ADAMTS16: variants seen among roughly 807,000 people sequenced by gnomAD.
ADAMTS16 encodes ADAM metallopeptidase with thrombospondin type 1 motif 16.
ADAMTS16 carries 94 observed loss-of-function variants against 145.8 expected under a neutral mutation model. The ratio of observed to expected loss-of-function variants is 0.64; its 90% CI spans 0.55 to 0.77. ADAMTS16 has a LOEUF of 0.77. Ranked by LOEUF, ADAMTS16 falls within the 30% of genes least tolerant of loss-of-function variation. The probability of loss-of-function intolerance (pLI) is 0.00; values close to 1 mark genes in which losing one functional copy is unlikely to be tolerated. For synonymous variants in ADAMTS16, 659 were observed against 604.3 expected, an observed-to-expected ratio of 1.09 and a Z score of -1.33; for missense variants, 1,585 against 1,591.5, an observed-to-expected ratio of 1.00 and a Z score of 0.07.
intron 21 of ADAMTS16, among the ~76,000 whole-genome samples, chr5:5,311,910 G>C (rs577818941): frequency 6.6e-5 from 10 of 152,118 alleles, no homozygotes; most frequent in African/African-American, 2.4e-4. Context: ...GTACAGTTGG[G>C]GTTTCACCAT....
intron 3 of ADAMTS16, among the ~76,000 whole-genome samples, chr5:5,153,755 C>A (rs953684191): frequency 3.9e-5 from 6 of 152,166 alleles, no homozygotes; most frequent in African/African-American, 1.4e-4. Context: ...TATATATAAT[C>A]TGTCGACTGC....
intron 8 of ADAMTS16, among the ~76,000 whole-genome samples, chr5:5,198,241 C>T (rs985428557): frequency 1.3e-5 from 2 of 152,188 alleles, no homozygotes; most frequent in Admixed American, 1.3e-4. Context: ...CTCCCTAAGG[C>T]AGCCTCCCAT....
chr5:5,281,869 T>C (rs1389824687), intron 18 of ADAMTS16, among the ~76,000 whole-genome samples: 1 of 152,246 alleles, frequency 6.6e-6, no homozygotes, highest in Non-Finnish European at 1.5e-5. Flanking sequence ...TAGGAAAATA[T>C]GTAAATACAG....
rs535602389 is a variant in ADAMTS16, at chr5:5,200,895, TC to T, written c.1451+628del. Among the ~76,000 whole-genome samples, 3 of 152,340 alleles carry T rather than the reference TC, an allele frequency of 2.0e-5. No individual in the cohort carries two copies. In the South Asian group the frequency reaches 6.2e-4, roughly 32 times the overall value. On this transcript the variant is annotated intron_variant, in intron 9 of 22. Coordinates refer to ENST00000274181, the MANE Select transcript of ADAMTS16 (RefSeq NM_139056.4). The stretch of plus-strand genomic sequence containing the variant: ...AAAACATTGGGGAGGTAGGGTTTGA[TC>T]CTTGAAAAATAGTAGATTTGAAAAT...
intron 18 of ADAMTS16, among the ~76,000 whole-genome samples, chr5:5,285,835 C>T (rs1739082709): frequency 1.3e-5 from 2 of 152,200 alleles, no homozygotes; most frequent in African/African-American, 4.8e-5. Context: ...GCATTCAACT[C>T]TCCAGTAATA....
At position 5,140,497 on chromosome 5, in the gene ADAMTS16, C is replaced by T. The variant is rs1323388761; in HGVS notation, c.30C>T (p.Gly10=). The T allele has an allele frequency of 2.6e-6, 4 of 1,518,466 alleles. No individual in the cohort carries two copies. Among genetic ancestry groups the T allele is most frequent in the Non-Finnish European group, 3.5e-6 (4 of 1,143,328 alleles). The allele number at this position is 1,518,466 out of a possible 1,614,324, so 94.1% of individuals were successfully genotyped here. A position where few individuals can be genotyped will look rare whatever the true frequency, so the allele number is the denominator to read the frequency against. The change falls in exon 1 of 23, where the codon GGC becomes GGT. Residue 10 remains glycine (G), a synonymous_variant. Transcript: ENST00000274181. ...AGCCCCGCGCGCGCGGATGGCGGGG[C>T]TTGGCGGCGCTGTGGATGCTGTTGG... MKPRARGWR[G]LAALWMLLAQ...
chr5:5,170,464 C>A (rs1735014816), intron 3 of ADAMTS16, among the ~76,000 whole-genome samples: 1 of 152,086 alleles, frequency 6.6e-6, no homozygotes, highest in African/African-American at 2.4e-5. Context: ...TGGAAACCTT[C>A]TCCTCCTGGG....
chr5:5,276,913 G>C (rs892455482), intron 18 of ADAMTS16, among the ~76,000 whole-genome samples: 3 of 152,034 alleles, frequency 2.0e-5, no homozygotes, highest in Middle Eastern at 6.8e-3. Context: ...TGTTTATTAA[G>C]AATAAATATG....
In ADAMTS16 at chr5:5,262,672, G is replaced by GAGAGGGCTGCTAC. The variant is rs1363742753; in HGVS notation, c.2683_2695dup (p.Asp899GlyfsTer67). The stretch of plus-strand genomic sequence containing the variant: ...TTGCCTGCAGGACAGATGACCGTGA[G>GAGAGGGCTGCTAC]AGAGGGCTGCTACAGAGACCTGAAG... On this transcript the variant is annotated frameshift_variant, in exon 18 of 23. Transcript: ENST00000274181. LOFTEE classifies it high-confidence loss of function. The GAGAGGGCTGCTAC allele has an allele frequency of 6.2e-7, 1 of 1,614,096 alleles. No individual in the cohort carries two copies. The highest frequency in any genetic ancestry group is 1.1e-5 in the South Asian group (1 of 91,052).
chr5:5,144,954 C>T (rs996604177), intron 2 of ADAMTS16, among the ~76,000 whole-genome samples: 90 of 152,234 alleles, frequency 5.9e-4, no homozygotes, highest in African/African-American at 2.0e-3. Context: ...GGGAGATGCT[C>T]CTGTTGGGTG....
intron 17 of ADAMTS16, among the ~76,000 whole-genome samples, chr5:5,254,676 T>TA (rs1167034938): frequency 6.6e-6 from 1 of 152,154 alleles, no homozygotes; most frequent in African/African-American, 2.4e-5. Context: ...TTTAATCCAT[T>TA]ACATGGTGAA....
chr5:5,243,909 A>G (rs1017915401), intron 17 of ADAMTS16, among the ~76,000 whole-genome samples: 8 of 152,188 alleles, frequency 5.3e-5, no homozygotes, highest in Admixed American at 6.5e-5. Flanking sequence ...CCTAAGGAAT[A>G]ATTGAGAGTT....
chr5:5,148,836 G>A (rs1401487397), intron 3 of ADAMTS16, among the ~76,000 whole-genome samples: 1 of 152,192 alleles, frequency 6.6e-6, no homozygotes, highest in Non-Finnish European at 1.5e-5. Flanking sequence ...CAGGACACAG[G>A]CAAGTCCCTT....
intron 9 of ADAMTS16, among the ~76,000 whole-genome samples, chr5:5,205,784 G>A (rs1277217758): frequency 6.6e-6 from 1 of 152,044 alleles, no homozygotes; most frequent in African/African-American, 2.4e-5. Flanking sequence ...TGTTATTCTT[G>A]TTGTTATTCT....
intron 17 of ADAMTS16, among the ~76,000 whole-genome samples, chr5:5,250,513 C>T (rs984479548): frequency 1.3e-5 from 2 of 152,188 alleles, no homozygotes; most frequent in Non-Finnish European, 2.9e-5. Context: ...CAAACCTACT[C>T]TTTAGTAACC....
At chr5:5,257,830 A>G (rs1395932538) in intron 17 of ADAMTS16, among the ~76,000 whole-genome samples, 3 of 152,160 alleles carry the variant, frequency 2.0e-5, no homozygotes, top group Non-Finnish European at 4.4e-5. Context: ...CTCCCCTCAG[A>G]TGCCAGTTTC....
At chr5:5,195,990 G>A (rs1735789354) in intron 8 of ADAMTS16, among the ~76,000 whole-genome samples, 1 of 152,092 alleles carries the variant, frequency 6.6e-6, no homozygotes, top group South Asian at 2.1e-4. Flanking sequence ...CATTTTGGGA[G>A]CCCAAGGTGG....
chr5:5,277,893 G>C lies in ADAMTS16; in HGVS notation c.2789+15110G>C, dbSNP rs549949506. 2.0e-5 allele frequency among the ~76,000 whole-genome samples: 3 copies of C among 152,162 alleles called. No individual in the cohort carries two copies. In the South Asian group the frequency reaches 6.2e-4, roughly 32 times the overall value. ...GCTACTCAGGAGGCTGAGGCAGGAGGATTGTTTGCACCTGGGAGGTCAAGG... is the reference window on the plus strand; with the variant it reads ...GCTACTCAGGAGGCTGAGGCAGGAGCATTGTTTGCACCTGGGAGGTCAAGG... On this transcript the variant is annotated intron_variant, in intron 18 of 22. Coordinates refer to ENST00000274181, the MANE Select transcript of ADAMTS16 (RefSeq NM_139056.4).
chr5:5,280,302 A>G (rs1738854888), intron 18 of ADAMTS16, among the ~76,000 whole-genome samples: 2 of 152,146 alleles, frequency 1.3e-5, no homozygotes, highest in African/African-American at 4.8e-5. Context: ...TATTTCCTCC[A>G]GGTTCATCCA....
Sources: gnomAD v4.1 joint callset for allele counts (sites outside exome capture counted in the v4.1 genomes callset) on GRCh38, gnomAD v4.1.1 for gene constraint, MANE v1.5 for transcripts, NCBI Gene and HGNC (gene_info 2026-07-23, HGNC 2026-07-21) for gene names.